Variants in PHLPP1 observed in about 807,000 individuals in gnomAD.
The protein encoded by PHLPP1 is PH domain and leucine rich repeat protein phosphatase 1.
Under a neutral mutation model 117.2 loss-of-function variants are expected in PHLPP1, and 42 were observed. That is an observed-to-expected ratio of 0.36 (90% CI 0.28 to 0.46). The LOEUF is 0.46. PHLPP1 is among the 20% of genes least tolerant of loss of function. PHLPP1 has a pLI of 1.00. For synonymous variants in PHLPP1, 1,042 were observed against 970.7 expected (o/e 1.07, Z -1.37); for missense variants, 2,084 against 2,241.9 (o/e 0.93, Z 1.42).
chr18:62,974,293 AT>A (rs1568179214), intron 15 of PHLPP1, among the ~76,000 whole-genome samples: 1 of 152,060 alleles, frequency 6.6e-6, no homozygotes, highest in South Asian at 2.1e-4. Context: ...TATGTCTCTT[AT>A]TTTCCCTATC....
Position 62,860,575 on chromosome 18 carries a change from T to C in PHLPP1, c.2040T>C (p.Ala680=), listed in dbSNP as rs1287941090. ...TAAGGCAGAACCCTAGCCTTCCAGC[T>C]GCCAGGGGGCTTAATGAACTGCAAA... The part of the protein sequence containing the change: ...NFLRQNPSLP[A]ARGLNELQRF... The change falls in exon 4 of 17, where the codon GCT becomes GCC. Residue 680 remains alanine, a synonymous_variant. Coordinates refer to ENST00000262719, the MANE Select transcript of PHLPP1 (RefSeq NM_194449.4). 1 of 1,613,286 alleles carries C rather than the reference T, an allele frequency of 6.2e-7. No individual in the cohort carries two copies. Among genetic ancestry groups the C allele is most frequent in the Non-Finnish European group, 8.5e-7 (1 of 1,179,610 alleles).
intron 1 of PHLPP1, among the ~76,000 whole-genome samples, chr18:62,821,883 T>C (rs1714655058): frequency 6.6e-6 from 1 of 151,932 alleles, no homozygotes; most frequent in African/African-American, 2.4e-5. Flanking sequence ...TCAAGCCTCT[T>C]GAGTAGCTGG....
rs115334759 is a variant in PHLPP1, at chr18:62,718,495, G to A, written c.1576+1236G>A. On this transcript the variant is annotated intron_variant, in intron 1 of 16. Coordinates refer to ENST00000262719, the MANE Select transcript of PHLPP1 (RefSeq NM_194449.4). ...TGACAGGATTCCTGGTGAGAGAGAT[G>A]CCCTTTAAATTTCTTGGAAGTTTTT... Among the ~76,000 whole-genome samples, 1,174 of 152,274 alleles carry A rather than the reference G, an allele frequency of 7.7e-3. 18 individuals carry two copies. Among genetic ancestry groups the A allele is most frequent in the African/African-American group, 0.027 (1,124 of 41,554 alleles).
chr18:62,715,843 G>T lies in PHLPP1; in HGVS notation c.160G>T (p.Ala54Ser). 1.3e-6 allele frequency: 1 copy of T among 763,794 alleles called. No homozygotes were observed. The allele number at this position is 763,794 out of a possible 1,614,324, so 47.3% of individuals were successfully genotyped here. A position where few individuals can be genotyped will look rare whatever the true frequency, so the allele number is the denominator to read the frequency against. The change falls in exon 1 of 17, where the codon GCG (alanine) becomes TCG (serine). Residue 54 changes from alanine to serine, a missense_variant. Ala to Ser is a moderately conservative substitution (Grantham distance 99). This residue lies in a region of PHLPP1 where 719 missense variants were observed against 636.0 expected (regional missense o/e 1.13). Transcript: ENST00000262719. Reference protein sequence around the residue: ...AAGGGRSPEPALTPAAPSGGN... With the variant: ...AAGGGRSPEPSLTPAAPSGGN... ...CGGGGGCGGCCGGAGTCCGGAGCCC[G>T]CGCTGACCCCGGCGGCCCCGAGCGG...
chr18:62,817,273 A>T (rs751698871), intron 1 of PHLPP1, among the ~76,000 whole-genome samples: 26 of 152,226 alleles, frequency 1.7e-4, no homozygotes, highest in Non-Finnish European at 2.6e-4. Flanking sequence ...CAGAAATGAT[A>T]CAAATGATAG....
intron 4 of PHLPP1, among the ~76,000 whole-genome samples, chr18:62,884,132 A>C (rs1568149548): frequency 6.6e-6 from 1 of 152,206 alleles, no homozygotes; most frequent in East Asian, 1.9e-4. Context: ...AAAAAGATTG[A>C]GTTAGGTTTT....
intron 4 of PHLPP1, among the ~76,000 whole-genome samples, chr18:62,887,262 T>G (rs1359722712): frequency 6.6e-6 from 1 of 152,198 alleles, no homozygotes; most frequent in African/African-American, 2.4e-5. Flanking sequence ...GCAGTAGTCA[T>G]ACAGTTTCTC....
chr18:62,827,473 G>C (rs1185083989), intron 1 of PHLPP1, among the ~76,000 whole-genome samples: 1 of 152,166 alleles, frequency 6.6e-6, no homozygotes, highest in Non-Finnish European at 1.5e-5. Flanking sequence ...TTAAAAAGGA[G>C]GGTGCACCTG....
chr18:62,739,790 T>C (rs923154382), intron 1 of PHLPP1, among the ~76,000 whole-genome samples: 9 of 152,158 alleles, frequency 5.9e-5, no homozygotes, highest in African/African-American at 1.9e-4. Flanking sequence ...TCTGGAAGTC[T>C]TTGGGTCTCA....
intron 1 of PHLPP1, among the ~76,000 whole-genome samples, chr18:62,796,268 C>T (rs896564038): frequency 1.3e-5 from 2 of 152,048 alleles, no homozygotes; most frequent in African/African-American, 4.8e-5. Flanking sequence ...TTATATTGGC[C>T]TATTTAATCC....
intron 1 of PHLPP1, among the ~76,000 whole-genome samples, chr18:62,733,562 G>A (rs1037269708): frequency 6.6e-6 from 1 of 152,132 alleles, no homozygotes; most frequent in Non-Finnish European, 1.5e-5. Context: ...AGTAATTACT[G>A]TGATTATTTA....
Position 62,874,942 on chromosome 18 carries a change from TATTATG to T in PHLPP1, c.2066+14359_2066+14364del, listed in dbSNP as rs576840845. 1.1e-4 allele frequency among the ~76,000 whole-genome samples: 17 copies of T among 152,246 alleles called. 2 individuals carry two copies. In the Middle Eastern group the frequency reaches 0.014, roughly 122 times the overall value. On this transcript the variant is annotated intron_variant, in intron 4 of 16. Transcript: ENST00000262719. Reference sequence around the variant, plus strand: ...AGGACCTGCTATGTATCTGTAGAATTATTATGATTATGATTATGATTATTATATTTG... The same window carrying T: ...AGGACCTGCTATGTATCTGTAGAATTATTATGATTATGATTATTATATTTG...
At chr18:62,817,615 T>G (rs1169876474) in intron 1 of PHLPP1, among the ~76,000 whole-genome samples, 1 of 151,822 alleles carries the variant, frequency 6.6e-6, no homozygotes, top group Non-Finnish European at 1.5e-5. Context: ...CTTCAAGTGT[T>G]TGTAATTGGA....
At chr18:62,728,784 G>A (rs1399015407) in intron 1 of PHLPP1, among the ~76,000 whole-genome samples, 1 of 152,134 alleles carries the variant, frequency 6.6e-6, no homozygotes, top group Non-Finnish European at 1.5e-5. Flanking sequence ...TGGGATTACA[G>A]GCATGAGCCA....
chr18:62,768,001 C>G (rs1404816731), intron 1 of PHLPP1, among the ~76,000 whole-genome samples: 3 of 152,160 alleles, frequency 2.0e-5, no homozygotes, highest in East Asian at 1.9e-4. Flanking sequence ...ACGTGAGGCT[C>G]AAGTCATCTT....
At chr18:62,853,147 G>C (rs1358998939) in intron 3 of PHLPP1, among the ~76,000 whole-genome samples, 1 of 152,046 alleles carries the variant, frequency 6.6e-6, no homozygotes, top group Admixed American at 6.6e-5. Flanking sequence ...ATAGTGCAGT[G>C]TTCTTTAGAG....
intron 1 of PHLPP1, among the ~76,000 whole-genome samples, chr18:62,821,350 G>C (rs962497224): frequency 6.6e-6 from 1 of 151,748 alleles, no homozygotes; most frequent in African/African-American, 2.4e-5. Context: ...CAGAAAATCA[G>C]TGAGCCTGAG....
intron 1 of PHLPP1, among the ~76,000 whole-genome samples, chr18:62,746,021 A>G: frequency 6.6e-6 from 1 of 152,158 alleles, no homozygotes; most frequent in Non-Finnish European, 1.5e-5. Context: ...ATGTTATATA[A>G]GTGGAGGAAG....
intron 1 of PHLPP1, among the ~76,000 whole-genome samples, chr18:62,806,013 G>C (rs1426434390): frequency 6.6e-6 from 1 of 151,854 alleles, no homozygotes; most frequent in African/African-American, 2.4e-5. Context: ...TGGTTGTTCT[G>C]TTTCTTTTGT....
Sources: gnomAD v4.1 joint callset for allele counts (sites outside exome capture counted in the v4.1 genomes callset) on GRCh38, gnomAD v4.1.1 for gene constraint, gnomAD v4.1.1 regional missense constraint, MANE v1.5 for transcripts, NCBI Gene and HGNC (gene_info 2026-07-23, HGNC 2026-07-21) for gene names.